The following DPH6 variants were observed in gnomAD, a reference collection of about 807,000 sequenced individuals.
DPH6 encodes the protein diphthamine biosynthesis 6, also known as diphthine--ammonia ligase.
A neutral mutation model predicts 38.2 loss-of-function variants in DPH6; 33 were observed. That is an observed-to-expected ratio of 0.86 (90% CI 0.65 to 1.15). DPH6 has a LOEUF of 1.15. Ranked by LOEUF, DPH6 falls within the 50% of genes most tolerant of loss-of-function variation. The pLI is 0.00. For synonymous variants in DPH6, 108 were observed against 103.0 expected, an observed-to-expected ratio of 1.05 and a Z score of -0.30; for missense variants, 325 against 320.0, an observed-to-expected ratio of 1.02 and a Z score of -0.12.
intron 3 of DPH6, among the ~76,000 whole-genome samples, chr15:35,335,362 GT>G (rs886679468): frequency 3.9e-5 from 6 of 151,900 alleles, no homozygotes; most frequent in African/African-American, 7.3e-5. Flanking sequence ...TTTGTTGATA[GT>G]TTTTTTATTT....
downstream of DPH6, among the ~76,000 whole-genome samples, chr15:35,212,543 C>A (rs534309805): frequency 1.3e-4 from 20 of 152,276 alleles, no homozygotes; most frequent in East Asian, 3.5e-3. Flanking sequence ...CTCTTCAATT[C>A]AATCACCCTT....
At chr15:35,280,748 G>A (rs545169384) in intron 3 of DPH6, among the ~76,000 whole-genome samples, 1 of 152,146 alleles carries the variant, frequency 6.6e-6, no homozygotes, top group Admixed American at 6.5e-5. Flanking sequence ...TCTCTTTTAT[G>A]TTCATTGAGG....
At chr15:35,515,133 A>T (rs1349992919) in intron 3 of DPH6, among the ~76,000 whole-genome samples, 2 of 117,616 alleles carry the variant, frequency 1.7e-5, no homozygotes, top group Non-Finnish European at 3.4e-5. Flanking sequence ...CACTAAGGTT[A>T]AAAAAAAAAA....
chr15:35,263,648 C>T (rs951435035), intron 3 of DPH6, among the ~76,000 whole-genome samples: 4 of 151,954 alleles, frequency 2.6e-5, no homozygotes, highest in Non-Finnish European at 4.4e-5. Flanking sequence ...AGTGATCCTC[C>T]GACCTAGGCC....
intron 3 of DPH6, among the ~76,000 whole-genome samples, chr15:35,508,041 CT>C (rs1290667678): frequency 6.6e-6 from 1 of 151,924 alleles, no homozygotes; most frequent in Non-Finnish European, 1.5e-5. Flanking sequence ...TATTTTCTGC[CT>C]CAAGAATGCG....
At chr15:35,254,670 C>A (rs978652494) in intron 3 of DPH6, among the ~76,000 whole-genome samples, 1 of 152,182 alleles carries the variant, frequency 6.6e-6, no homozygotes, top group African/African-American at 2.4e-5. Context: ...TGCTTGGTTT[C>A]ATGCGCGTCC....
chr15:35,320,883 C>A (rs2052234981), intron 3 of DPH6, among the ~76,000 whole-genome samples: 1 of 152,188 alleles, frequency 6.6e-6, no homozygotes, highest in African/African-American at 2.4e-5. Context: ...AATATTCAGT[C>A]AGTTTTCTGA....
At chr15:35,236,378 C>T (rs1411019074) in intron 3 of DPH6, among the ~76,000 whole-genome samples, 1 of 152,224 alleles carries the variant, frequency 6.6e-6, no homozygotes, top group Non-Finnish European at 1.5e-5. Context: ...GTGGCTCACG[C>T]CTGTAATCCC....
intron 3 of DPH6, among the ~76,000 whole-genome samples, chr15:35,305,384 ACT>A (rs2052082121): frequency 6.6e-6 from 1 of 150,518 alleles, no homozygotes. Flanking sequence ...ACATACTCAC[ACT>A]GTGAAACAAC....
chr15:35,413,285 A>G (rs999815709), intron 5 of DPH6, among the ~76,000 whole-genome samples: 6 of 151,762 alleles, frequency 4.0e-5, no homozygotes, highest in African/African-American at 1.4e-4. Flanking sequence ...AACACATAAA[A>G]TCATGATCAT....
chr15:35,387,775 A>T (rs1272648973), intron 6 of DPH6, among the ~76,000 whole-genome samples: 3 of 152,190 alleles, frequency 2.0e-5, no homozygotes, highest in African/African-American at 7.2e-5. Flanking sequence ...ATATACAATC[A>T]TGTCATCTGC....
intron 5 of DPH6, among the ~76,000 whole-genome samples, chr15:35,416,130 T>C (rs1023163781): frequency 5.3e-5 from 8 of 152,130 alleles, no homozygotes; most frequent in Middle Eastern, 3.4e-3. Context: ...ACACTAACGA[T>C]AGCTGATTAG....
intron 2 of DPH6, among the ~76,000 whole-genome samples, chr15:35,538,919 T>C (rs1242542056): frequency 3.3e-5 from 5 of 152,054 alleles, no homozygotes; most frequent in Non-Finnish European, 7.4e-5. Flanking sequence ...CAAATAGTGG[T>C]AAGAAAAATT....
At chr15:35,388,557 G>T (rs1377915580) in intron 6 of DPH6, among the ~76,000 whole-genome samples, 2 of 152,062 alleles carry the variant, frequency 1.3e-5, no homozygotes, top group South Asian at 4.1e-4. Flanking sequence ...AGTTCTTCCT[G>T]GTTTAGTCTT....
chr15:35,238,348 A>C (rs2051572254), intron 3 of DPH6, among the ~76,000 whole-genome samples: 2 of 151,986 alleles, frequency 1.3e-5, no homozygotes, highest in Admixed American at 1.3e-4. Flanking sequence ...TCCTGCTTAC[A>C]AAATCACTTT....
At chr15:35,400,951 G>A in intron 6 of DPH6, 2 of 1,030,044 alleles carry the variant, frequency 1.9e-6, no homozygotes, top group Non-Finnish European at 3.0e-6. Flanking sequence ...GAACCAAAGA[G>A]AGCTGTCTAA....
chr15:35,368,140 T>C (rs1236785413), downstream of DPH6, among the ~76,000 whole-genome samples: 1 of 151,894 alleles, frequency 6.6e-6, no homozygotes, highest in African/African-American at 2.4e-5. Context: ...GAGAAACAAA[T>C]TGACAGGGCA....
At chr15:35,430,808 C>T (rs1441397747) in intron 5 of DPH6, among the ~76,000 whole-genome samples, 2 of 152,084 alleles carry the variant, frequency 1.3e-5, no homozygotes, top group Non-Finnish European at 2.9e-5. Context: ...TGTGACACTG[C>T]TCCAGTTTCC....
At chr15:35,254,873 C>CA (rs1456355925) in intron 3 of DPH6, among the ~76,000 whole-genome samples, 2 of 151,870 alleles carry the variant, frequency 1.3e-5, no homozygotes, top group Non-Finnish European at 2.9e-5. Context: ...GTGGATCTCA[C>CA]AAAGTACATT....
Sources: allele counts gnomAD v4.1 joint callset (sites outside exome capture counted in the v4.1 genomes callset), GRCh38; gene constraint gnomAD v4.1.1; transcripts MANE v1.5; gene names NCBI Gene and HGNC (gene_info 2026-07-23, HGNC 2026-07-21).